Variants in PYHIN1 observed in about 807,000 individuals in gnomAD.
PYHIN1 encodes pyrin and HIN domain-containing protein 1.
Under a neutral mutation model 43.7 loss-of-function variants are expected in PYHIN1, and 32 were observed. The observed-to-expected ratio is 0.73, with a 90% CI of 0.55 to 0.98. The LOEUF (loss-of-function observed/expected upper bound fraction) is 0.98, where lower values mean the gene tolerates loss of function less well. PYHIN1 is among the 50% of genes least tolerant of loss of function. The pLI, the probability that PYHIN1 is intolerant of heterozygous loss-of-function variation, is 0.00. For synonymous variants in PYHIN1, 205 were observed against 203.1 expected, an observed-to-expected ratio of 1.01 and a Z score of -0.08; for missense variants, 588 against 589.5, an observed-to-expected ratio of 1.00 and a Z score of 0.03.
chr1:158,969,908 C>T (rs148768931), intron 7 of PYHIN1, among the ~76,000 whole-genome samples: 1 of 152,060 alleles, frequency 6.6e-6, no homozygotes, highest in Non-Finnish European at 1.5e-5. Flanking sequence ...GCCACCTACA[C>T]CTAAATGTAT....
chr1:158,966,505 T>C (rs114907685), intron 7 of PYHIN1, among the ~76,000 whole-genome samples: 1,664 of 152,136 alleles, frequency 0.011, 38 homozygotes, highest in African/African-American at 0.039. Context: ...CTAGCAGTAC[T>C]TCAAAAAGCT....
intron 7 of PYHIN1, among the ~76,000 whole-genome samples, chr1:158,970,231 T>A (rs754731510): frequency 3.1e-4 from 47 of 152,036 alleles, no homozygotes; most frequent in Non-Finnish European, 5.4e-4. Context: ...AAAGCTAAGA[T>A]CTTAGGCATC....
intron 7 of PYHIN1, among the ~76,000 whole-genome samples, chr1:158,967,982 A>G (rs569521402): frequency 2.0e-5 from 3 of 152,218 alleles, no homozygotes; most frequent in South Asian, 2.1e-4. Flanking sequence ...ATCTAAAACT[A>G]TAAAAACCCT....
chr1:158,959,538 A>G (rs966182810), intron 7 of PYHIN1, among the ~76,000 whole-genome samples: 5 of 152,216 alleles, frequency 3.3e-5, no homozygotes, highest in African/African-American at 1.2e-4. Flanking sequence ...GGCTGCTTTC[A>G]GCCATAACCC....
intron 3 of PYHIN1, 73 bp downstream of exon 3, chr1:158,938,615 G>T: frequency 6.8e-7 from 1 of 1,461,336 alleles, no homozygotes; most frequent in Non-Finnish European, 9.3e-7. Context: ...CACTCAATCT[G>T]TCCAGCAGGC....
chr1:158,969,433 G>T (rs1210429378), intron 7 of PYHIN1, among the ~76,000 whole-genome samples: 1 of 151,792 alleles, frequency 6.6e-6, no homozygotes, highest in Non-Finnish European at 1.5e-5. Flanking sequence ...TTACCATATT[G>T]CACTCTGACC....
At chr1:158,963,197 G>C (rs144937564) in intron 7 of PYHIN1, among the ~76,000 whole-genome samples, 1,588 of 152,260 alleles carry the variant, frequency 0.01, 35 homozygotes, top group African/African-American at 0.037. Flanking sequence ...GTACTGCCCT[G>C]CTGCCTTCAG....
downstream of PYHIN1, among the ~76,000 whole-genome samples, chr1:158,980,847 C>T (rs1005292799): frequency 6.6e-6 from 1 of 152,086 alleles, no homozygotes; most frequent in Non-Finnish European, 1.5e-5. Flanking sequence ...CCCTTTAAAG[C>T]ATGTTATCTT....
intron 5 of PYHIN1, 27 bp downstream of exon 5, chr1:158,942,426 A>G: frequency 6.6e-7 from 1 of 1,511,298 alleles, no homozygotes; most frequent in East Asian, 2.3e-5. Context: ...ATTTTGTGGC[A>G]TTTTCTACAA....
chr1:158,962,733 C>T (rs752967697), intron 7 of PYHIN1, among the ~76,000 whole-genome samples: 3 of 152,204 alleles, frequency 2.0e-5, no homozygotes, highest in Non-Finnish European at 4.4e-5. Flanking sequence ...TCCAGTCTCT[C>T]TTCCCTATGA....
intron 7 of PYHIN1, among the ~76,000 whole-genome samples, chr1:158,950,328 A>C (rs1184878499): frequency 6.6e-6 from 1 of 152,214 alleles, no homozygotes; most frequent in Admixed American, 6.5e-5. Context: ...CAGCCTCCTG[A>C]GTTGTCCTCT....
At chr1:158,988,440 G>A in the PYHIN1 span, among the ~76,000 whole-genome samples, 4 of 152,160 alleles carry the variant, frequency 2.6e-5, no homozygotes, top group South Asian at 8.3e-4. Flanking sequence ...AGAGAGGAGA[G>A]TCAAAGAGAA....
chr1:158,956,344 C>T (rs369410258), intron 7 of PYHIN1, among the ~76,000 whole-genome samples: 1 of 152,142 alleles, frequency 6.6e-6, no homozygotes, highest in Non-Finnish European at 1.5e-5. Flanking sequence ...CATTGATGCA[C>T]AAATCCTCAA....
At chr1:158,970,553 C>A (rs1650877110) in intron 7 of PYHIN1, among the ~76,000 whole-genome samples, 1 of 151,932 alleles carries the variant, frequency 6.6e-6, no homozygotes, top group Non-Finnish European at 1.5e-5. Flanking sequence ...TCAGTTTTGA[C>A]TTATTTTGAA....
downstream of PYHIN1, among the ~76,000 whole-genome samples, chr1:158,979,448 T>G (rs1651412192): frequency 6.6e-6 from 1 of 152,210 alleles, no homozygotes; most frequent in Non-Finnish European, 1.5e-5. Flanking sequence ...TGCCCTCAAG[T>G]TTTATTCATG....
intron 7 of PYHIN1, among the ~76,000 whole-genome samples, chr1:158,947,422 C>G (rs1649282303): frequency 6.6e-6 from 1 of 152,186 alleles, no homozygotes; most frequent in East Asian, 1.9e-4. Context: ...TTATTTTAAA[C>G]TATCCATGGT....
rs537646188 is a variant in PYHIN1 at position 158,934,513 on chromosome 1, C to T, written c.-20-2378C>T. Among the ~76,000 whole-genome samples, 11 of 152,020 alleles carry T rather than the reference C, an allele frequency of 7.2e-5. No individual in the cohort carries two copies. In the South Asian group the frequency reaches 1.2e-3, roughly 17 times the overall value. Reference sequence around the variant, plus strand: ...GCAGGTGATCTAAAGCCTTCATTCTCGGAGGCTTATGGAGTATTTATTTGT... The same window carrying T: ...GCAGGTGATCTAAAGCCTTCATTCTTGGAGGCTTATGGAGTATTTATTTGT... On this transcript the variant is annotated intron_variant, in intron 1 of 8. Coordinates refer to ENST00000368140, the MANE Select transcript of PYHIN1 (RefSeq NM_152501.5).
chr1:158,973,729 C>T lies in PYHIN1; in HGVS notation c.1442C>T (p.Ser481Phe), dbSNP rs1157377615. Reference sequence around the variant, plus strand: ...CCAACTGTGGCCCCTCCTCTTTCTTCTGACACTTCCACCAACCGCCATCCA... The same window carrying T: ...CCAACTGTGGCCCCTCCTCTTTCTTTTGACACTTCCACCAACCGCCATCCA... ...TSPTVAPPLS[S>F]DTSTNRHPAV... Residue 481 changes from serine (S) to phenylalanine (F), a missense_variant, in exon 8 of 9, where the codon TCT becomes TTT. Ser to Phe is a radical substitution (Grantham distance 155). Coordinates refer to ENST00000368140, the MANE Select transcript of PYHIN1 (RefSeq NM_152501.5). 4 of 1,613,230 alleles carry T rather than the reference C, an allele frequency of 2.5e-6. No homozygotes were observed. In the South Asian group the frequency reaches 4.4e-5, roughly 18 times the overall value.
At chr1:158,983,732 T>C in the PYHIN1 span, among the ~76,000 whole-genome samples, 1 of 152,140 alleles carries the variant, frequency 6.6e-6, no homozygotes, top group Non-Finnish European at 1.5e-5. Flanking sequence ...CCTCCTTATC[T>C]ATCAGGTAGA....
Sources: gnomAD v4.1 joint callset for allele counts (sites outside exome capture counted in the v4.1 genomes callset) on GRCh38, gnomAD v4.1.1 for gene constraint, MANE v1.5 for transcripts, NCBI Gene and HGNC (gene_info 2026-07-23, HGNC 2026-07-21) for gene names.